Variants in NR3C1 observed in about 807,000 individuals in gnomAD.
The protein encoded by NR3C1 is glucocorticoid receptor.
NR3C1 carries 14 observed loss-of-function variants against 74.0 expected under a neutral mutation model. That is an observed-to-expected ratio of 0.19 (90% confidence interval 0.12 to 0.30). NR3C1 has a LOEUF of 0.30. Among genes scored for constraint, NR3C1 ranks in the 10% least tolerant of loss-of-function variants. The pLI, the probability that NR3C1 is intolerant of heterozygous loss-of-function variation, is 1.00. For missense variants in NR3C1, 695 were observed against 909.8 expected (o/e 0.76, Z 3.04); for synonymous variants, 308 against 332.5 (o/e 0.93, Z 0.80).
intron 2 of NR3C1, among the ~76,000 whole-genome samples, chr5:143,392,023 T>C (rs1446216861): frequency 1.3e-5 from 2 of 152,102 alleles, no homozygotes; most frequent in South Asian, 2.1e-4. Flanking sequence ...TGGAGTGCAG[T>C]GGTGCAACCT....
intron 2 of NR3C1, among the ~76,000 whole-genome samples, chr5:143,381,344 T>C (rs993614618): frequency 1.2e-4 from 18 of 152,126 alleles, no homozygotes; most frequent in African/African-American, 3.9e-4. Flanking sequence ...AGAATCAATA[T>C]TGTTAAAATG....
chr5:143,402,543 G>A, intron 1 of NR3C1: 4 of 961,400 alleles, frequency 4.2e-6, no homozygotes, highest in Non-Finnish European at 5.0e-6. Context: ...GCAAGCCCTT[G>A]CGGGGCGGGG....
intron 2 of NR3C1, among the ~76,000 whole-genome samples, chr5:143,380,982 C>A (rs993356061): frequency 6.6e-6 from 1 of 151,970 alleles, no homozygotes; most frequent in Non-Finnish European, 1.5e-5. Context: ...AAAGGGAATC[C>A]AAAATGGAAT....
intron 2 of NR3C1, among the ~76,000 whole-genome samples, chr5:143,359,792 C>T (rs1005408879): frequency 6.6e-6 from 1 of 152,054 alleles, no homozygotes; most frequent in African/African-American, 2.4e-5. Flanking sequence ...GTGGCAGGCA[C>T]CTGTAATCCC....
intron 7 of NR3C1, among the ~76,000 whole-genome samples, chr5:143,286,637 T>C (rs1196967270): frequency 6.6e-6 from 1 of 152,042 alleles, no homozygotes; most frequent in Non-Finnish European, 1.5e-5. Flanking sequence ...CTCTCTAGGA[T>C]AGCGATAATA....
In NR3C1 at chr5:143,279,271, A is replaced by T. The variant is rs1812756297; in HGVS notation, c.*2618T>A. 2 of 1,413,420 alleles carry T rather than the reference A, an allele frequency of 1.4e-6. No individual in the cohort carries two copies. The highest frequency in any genetic ancestry group is 2.7e-5 in the South Asian group (2 of 73,206). The allele number at this position is 1,413,420 out of a possible 1,614,324, so 87.6% of individuals were successfully genotyped here. A position where few individuals can be genotyped will look rare whatever the true frequency, so the allele number is the denominator to read the frequency against. On this transcript the variant is annotated 3_prime_UTR_variant, in exon 9 of 9. Coordinates refer to ENST00000394464, the MANE Select transcript of NR3C1 (RefSeq NM_000176.3). ...AAGCCTCCTATAGTTGTCGATGAGC[A>T]TCAGTTGACTTATTATTGACAACGA...
intron 4 of NR3C1, among the ~76,000 whole-genome samples, chr5:143,303,768 G>C (rs1347449319): frequency 6.6e-6 from 1 of 151,956 alleles, no homozygotes; most frequent in Non-Finnish European, 1.5e-5. Flanking sequence ...GGGATGCAAG[G>C]CTCGTTCAAC....
intron 5 of NR3C1, 73 bp from the exon 6 acceptor site, chr5:143,298,885 A>G: frequency 6.7e-7 from 1 of 1,502,266 alleles, no homozygotes; most frequent in Non-Finnish European, 9.1e-7. Context: ...GCCAAGGAGC[A>G]ATGAGATCAA....
chr5:143,352,937 C>T lies in NR3C1; in HGVS notation c.1185-38769G>A, dbSNP rs554156715. On this transcript the variant is annotated intron_variant, in intron 2 of 8. Transcript: ENST00000394464. ...TTTCATAAAAGATTTCTTTGTAGCACGAGATGCTGTTTGATAGCATTTTAC... is the reference window on the plus strand; with the variant it reads ...TTTCATAAAAGATTTCTTTGTAGCATGAGATGCTGTTTGATAGCATTTTAC... 1.1e-4 allele frequency among the ~76,000 whole-genome samples: 17 copies of T among 152,224 alleles called. No individual in the cohort carries two copies. The South Asian group carries it at 1.9e-3, about 17-fold the overall frequency.
At chr5:143,380,391 C>T (rs1330951195) in intron 2 of NR3C1, among the ~76,000 whole-genome samples, 2 of 151,958 alleles carry the variant, frequency 1.3e-5, no homozygotes, top group Non-Finnish European at 2.9e-5. Context: ...CTGAATCATA[C>T]AAAAACCATT....
rs1318885705 is a variant in NR3C1 at position 143,286,687 on chromosome 5, T to C, written c.2024-3962A>G. ...AGCTCTGGCAAGGATGTAGACAAAG[T>C]TGTAGGATCTAGAACAACTAGACAG... On this transcript the variant is annotated intron_variant, in intron 7 of 8. Transcript: ENST00000394464. Among the ~76,000 whole-genome samples, 3 of 152,064 alleles carry C rather than the reference T, an allele frequency of 2.0e-5. No homozygotes were observed. The East Asian group carries it at 5.8e-4, about 29-fold the overall frequency.
Position 143,399,691 on chromosome 5 carries a change from G to C in NR3C1, c.1149C>G (p.Phe383Leu), listed in dbSNP as rs1361934365. 1 of 1,613,974 alleles carries C rather than the reference G, an allele frequency of 6.2e-7. No homozygotes were observed. The highest frequency in any genetic ancestry group is 1.1e-5 in the South Asian group (1 of 91,092). The change falls in exon 2 of 9, where the codon TTC becomes TTG. Residue 383 changes from phenylalanine (F) to leucine (L), a missense_variant. Around this residue, in one of 4 missense-constraint regions of NR3C1, gnomAD observed 497 missense variants for 489.5 expected, o/e 1.02. Coordinates refer to ENST00000394464, the MANE Select transcript of NR3C1 (RefSeq NM_000176.3). ...CATTAGAAAAAACTGTTCGACCAGG[G>C]AAGTTCAGAGTCCCCAGAGAAGTCA... The part of the protein sequence containing the change: ...DNLTSLGTLN[F>L]PGRTVFSNGY...
Position 143,310,132 on chromosome 5 carries a change from T to A in NR3C1, c.1433A>T (p.Tyr478Phe). ...CATTCCAGCCTGAAGACATTTTCGA[T>A]AGCGGCATGCTGGGCAGTTTTTTCT... Reference protein sequence around the residue: ...IRRKNCPACRYRKCLQAGMNL... With the variant: ...IRRKNCPACRFRKCLQAGMNL... The change falls in exon 4 of 9, where the codon TAT becomes TTT. Residue 478 changes from tyrosine (Y) to phenylalanine (F), a missense_variant. This residue lies in a region of NR3C1 where 23 missense variants were observed against 83.1 expected (regional missense o/e 0.28). Coordinates refer to ENST00000394464, the MANE Select transcript of NR3C1 (RefSeq NM_000176.3). 2 of 1,614,068 alleles carry A rather than the reference T, an allele frequency of 1.2e-6. No individual in the cohort carries two copies. Among genetic ancestry groups the A allele is most frequent in the Non-Finnish European group, 1.7e-6 (2 of 1,179,922 alleles).
chr5:143,355,544 A>G (rs1830980217), intron 2 of NR3C1, among the ~76,000 whole-genome samples: 1 of 152,182 alleles, frequency 6.6e-6, no homozygotes, highest in Non-Finnish European at 1.5e-5. Flanking sequence ...TGGTTTCTAA[A>G]TATCATATAA....
At chr5:143,405,820 A>C (rs991724869), upstream of NR3C1, among the ~76,000 whole-genome samples, 7 of 152,112 alleles carry the variant, frequency 4.6e-5, no homozygotes, top group African/African-American at 1.7e-4. Context: ...GGCACAAGTC[A>C]ACTAGAAGGA....
At chr5:143,287,107 A>G (rs1232675784) in intron 7 of NR3C1, among the ~76,000 whole-genome samples, 1 of 152,086 alleles carries the variant, frequency 6.6e-6, no homozygotes, top group Non-Finnish European at 1.5e-5. Flanking sequence ...GTCTTCAACT[A>G]ACAATGGAAG....
chr5:143,288,988 C>A (rs1815219471), intron 7 of NR3C1, among the ~76,000 whole-genome samples: 1 of 151,078 alleles, frequency 6.6e-6, no homozygotes, highest in Non-Finnish European at 1.5e-5. Context: ...GCCTGCAATC[C>A]CACTGCTGGG....
chr5:143,344,887 C>T (rs531306726), intron 2 of NR3C1, among the ~76,000 whole-genome samples: 1 of 152,084 alleles, frequency 6.6e-6, no homozygotes, highest in African/African-American at 2.4e-5. Flanking sequence ...CCCACCCTCA[C>T]CCCCCACAAA....
At chr5:143,372,288 A>T (rs1024106787) in intron 2 of NR3C1, among the ~76,000 whole-genome samples, 1 of 152,172 alleles carries the variant, frequency 6.6e-6, no homozygotes, top group African/African-American at 2.4e-5. Context: ...AATTGCCAGG[A>T]TCACCACTCC....
Sources: gnomAD v4.1 joint callset for allele counts (sites outside exome capture counted in the v4.1 genomes callset) on GRCh38, gnomAD v4.1.1 for gene constraint, gnomAD v4.1.1 regional missense constraint, MANE v1.5 for transcripts, NCBI Gene and HGNC (gene_info 2026-07-23, HGNC 2026-07-21) for gene names.